LZTS1: variants seen among roughly 807,000 people sequenced by gnomAD.
LZTS1 encodes leucine zipper tumor suppressor 1, also known as leucine zipper putative tumor suppressor 1.
In LZTS1, 31 loss-of-function variants were observed where a neutral mutation model predicts 45.8. The ratio of observed to expected loss-of-function variants is 0.68; its 90% CI spans 0.51 to 0.91. LZTS1 has a LOEUF of 0.91. Among genes scored for constraint, LZTS1 ranks in the 40% least tolerant of loss-of-function variants. The pLI is 0.00. For synonymous variants in LZTS1, 359 were observed against 357.3 expected (o/e 1.00, Z -0.05); for missense variants, 821 against 788.9 (o/e 1.04, Z -0.49).
Position 20,250,312 on chromosome 8 carries a change from A to T in LZTS1, c.1201T>A (p.Ser401Thr). ...GCCTTGGCGTTCACCTCCGTCTGGG[A>T]CTCCTTCAGCTGCTGCTTCAGGAGG... ...ISLLKQQLKESQTEVNAKASE... is the reference protein window; with the variant it reads ...ISLLKQQLKETQTEVNAKASE... The change falls in exon 4 of 4, where the codon TCC becomes ACC. Residue 401 changes from serine to threonine, a missense_variant. Transcript: ENST00000381569. The T allele has an allele frequency of 1.2e-6, 2 of 1,611,120 alleles. No homozygotes were observed. The highest frequency in any genetic ancestry group is 1.7e-6 in the Non-Finnish European group (2 of 1,178,844).
chr8:20,299,614 T>A (rs924333223), intron 1 of LZTS1, among the ~76,000 whole-genome samples: 1 of 152,110 alleles, frequency 6.6e-6, no homozygotes, highest in Non-Finnish European at 1.5e-5. Context: ...TGATCAATGA[T>A]CTTTAAAAGA....
intron 2 of LZTS1, among the ~76,000 whole-genome samples, chr8:20,253,893 T>C (rs755846539): frequency 2.6e-5 from 4 of 152,176 alleles, no homozygotes; most frequent in Non-Finnish European, 5.9e-5. Flanking sequence ...TCTAGGTCTC[T>C]GTGTGGGGCA....
At chr8:20,254,548 G>T (rs1055542995) in intron 2 of LZTS1, among the ~76,000 whole-genome samples, 7 of 152,200 alleles carry the variant, frequency 4.6e-5, no homozygotes, top group African/African-American at 1.7e-4. Flanking sequence ...TGACAATCCA[G>T]CTACATTTCA....
intron 2 of LZTS1, among the ~76,000 whole-genome samples, chr8:20,253,821 C>T (rs1033930542): frequency 1.3e-5 from 2 of 152,164 alleles, no homozygotes; most frequent in Non-Finnish European, 2.9e-5. Context: ...TATGAAATAG[C>T]AACCTGCCAC....
rs1585303769 is a variant in LZTS1 at position 20,292,991 on chromosome 8, G to A, written c.-135+10749C>T. ...TGTGTCCCATTAAATAAATAATCCT[G>A]GACCCAGCATCTTGACCTTGGATTA... On this transcript the variant is annotated intron_variant, in intron 1 of 3. Transcript: ENST00000381569. 3.3e-5 allele frequency among the ~76,000 whole-genome samples: 5 copies of A among 152,100 alleles called. 1 individual carries two copies. The highest frequency in any genetic ancestry group is 3.3e-4 in the Admixed American group (5 of 15,278).
intron 1 of LZTS1, among the ~76,000 whole-genome samples, chr8:20,296,124 G>A (rs1800974932): frequency 6.6e-6 from 1 of 152,200 alleles, no homozygotes; most frequent in East Asian, 1.9e-4. Context: ...GTGCCAAGAG[G>A]AGGGTGATTT....
intron 1 of LZTS1, among the ~76,000 whole-genome samples, chr8:20,286,417 T>C (rs1306680135): frequency 6.6e-6 from 1 of 152,234 alleles, no homozygotes; most frequent in Non-Finnish European, 1.5e-5. Flanking sequence ...CTGTGAGTAC[T>C]GATTAGGAAA....
intron 1 of LZTS1, among the ~76,000 whole-genome samples, chr8:20,274,880 C>T (rs11995187): frequency 0.24 from 37,203 of 151,964 alleles, 5,163 homozygotes; most frequent in African/African-American, 0.37. Flanking sequence ...AGTGACCCCT[C>T]GACCTAACCC....
intron 1 of LZTS1, among the ~76,000 whole-genome samples, chr8:20,264,945 G>A (rs1479806428): frequency 1.3e-5 from 2 of 152,180 alleles, no homozygotes; most frequent in Non-Finnish European, 2.9e-5. Context: ...GGGGGGATGT[G>A]GGGTGTGTAC....
At chr8:20,253,925 G>A (rs564128193) in intron 2 of LZTS1, among the ~76,000 whole-genome samples, 19 of 152,302 alleles carry the variant, frequency 1.2e-4, no homozygotes, top group South Asian at 6.2e-4. Context: ...CAGGCTGGCC[G>A]AGCTTGCTGT....
intron 1 of LZTS1, among the ~76,000 whole-genome samples, chr8:20,267,484 C>G (rs775981419): frequency 6.6e-6 from 1 of 152,146 alleles, no homozygotes; most frequent in Non-Finnish European, 1.5e-5. Flanking sequence ...AGGAAACCAT[C>G]AGTCATCATT....
intron 1 of LZTS1, among the ~76,000 whole-genome samples, chr8:20,258,182 C>G (rs1027554073): frequency 2.0e-5 from 3 of 152,088 alleles, no homozygotes; most frequent in African/African-American, 7.2e-5. Context: ...AGTCAAAAGA[C>G]AGATATCCAA....
intron 1 of LZTS1, among the ~76,000 whole-genome samples, chr8:20,282,139 A>G (rs1232117317): frequency 2.6e-5 from 4 of 152,304 alleles, no homozygotes; most frequent in Non-Finnish European, 5.9e-5. Context: ...GAGGGTCCAC[A>G]GTCCTTTGAC....
intron 1 of LZTS1, among the ~76,000 whole-genome samples, chr8:20,288,498 A>G (rs1284979431): frequency 1.3e-5 from 2 of 152,188 alleles, no homozygotes; most frequent in Non-Finnish European, 2.9e-5. Context: ...TGTACGACAC[A>G]CACATGATCT....
intron 1 of LZTS1, among the ~76,000 whole-genome samples, chr8:20,257,736 C>G (rs1800140030): frequency 7.0e-6 from 1 of 143,672 alleles, no homozygotes; most frequent in Non-Finnish European, 1.5e-5. Flanking sequence ...GTGGCATGAT[C>G]TTGGCTCACT....
Position 20,252,841 on chromosome 8 carries a change from T to C in LZTS1, c.1090A>G (p.Arg364Gly). 3 of 1,578,858 alleles carry C rather than the reference T, an allele frequency of 1.9e-6. No homozygotes were observed. The highest frequency in any genetic ancestry group is 2.6e-6 in the Non-Finnish European group (3 of 1,163,094). ...KEQDLLETKL[R>G]SYEREKTSFG... ...CTGGTCTTCTCCCTCTCGTAGGACC[T>C]GAGCTTGGTCTCCAGCAGGTCCTGC... The change falls in exon 3 of 4, where the codon AGG becomes GGG. Residue 364 changes from arginine (R) to glycine (G), a missense_variant. Arg to Gly is a moderately radical substitution (Grantham distance 125). Coordinates refer to ENST00000381569, the MANE Select transcript of LZTS1 (RefSeq NM_021020.5).
At chr8:20,266,897 C>T (rs554314553) in intron 1 of LZTS1, among the ~76,000 whole-genome samples, 1 of 152,230 alleles carries the variant, frequency 6.6e-6, no homozygotes, top group Non-Finnish European at 1.5e-5. Flanking sequence ...CACCAGAGGT[C>T]AGGAGTTCAA....
At chr8:20,250,725 A>C (rs908961458) in intron 3 of LZTS1, among the ~76,000 whole-genome samples, 11 of 151,810 alleles carry the variant, frequency 7.2e-5, no homozygotes, top group African/African-American at 2.7e-4. Context: ...CAGCCTCCCA[A>C]GTAGCTGGGA....
chr8:20,296,296 G>A (rs1800977993), intron 1 of LZTS1, among the ~76,000 whole-genome samples: 1 of 152,212 alleles, frequency 6.6e-6, no homozygotes, highest in South Asian at 2.1e-4. Flanking sequence ...AGGAATGGGA[G>A]GGTTTGAGAA....
Sources: gnomAD v4.1 joint callset for allele counts (sites outside exome capture counted in the v4.1 genomes callset) on GRCh38, gnomAD v4.1.1 for gene constraint, MANE v1.5 for transcripts, NCBI Gene and HGNC (gene_info 2026-07-23, HGNC 2026-07-21) for gene names.